Variants in ATXN10 observed in about 807,000 individuals in gnomAD.
ATXN10 encodes the protein ataxin-10.
In ATXN10, 28 loss-of-function variants were observed where a neutral mutation model predicts 52.9. The ratio of observed to expected loss-of-function variants is 0.53; its 90% CI spans 0.39 to 0.73. The LOEUF is 0.73. Among genes scored for constraint, ATXN10 ranks in the 30% least tolerant of loss-of-function variants. ATXN10 has a pLI of 0.00. For missense variants in ATXN10, 565 were observed against 577.0 expected, an observed-to-expected ratio of 0.98 and a Z score of 0.21; for synonymous variants, 226 against 221.5, an observed-to-expected ratio of 1.02 and a Z score of -0.18.
rs552090283 is a variant in ATXN10 at position 45,678,524 on chromosome 22, C to T, written c.116+6345C>T. ...GTTTAAAATGTGAACTCCTCCCTCA[C>T]TGCTATTTTTGTTTCATAATAAAAT... On this transcript the variant is annotated intron_variant, in intron 1 of 11. Coordinates refer to ENST00000252934, the MANE Select transcript of ATXN10 (RefSeq NM_013236.4). This position sits in a 1 kb window ranked among gnomAD's most constrained non-coding sequence, Gnocchi z 4.1. 66 of 152,292 alleles carry T rather than the reference C, an allele frequency of 4.3e-4. No homozygotes were observed. The highest frequency in any genetic ancestry group is 1.5e-3 in the African/African-American group (62 of 41,558). The allele number at this position is 152,292 out of a possible 1,614,324, so 9.4% of individuals were successfully genotyped here.
intron 2 of ATXN10, 82 bp downstream of exon 2, chr22:45,689,985 G>T: frequency 6.7e-7 from 1 of 1,488,770 alleles, no homozygotes; most frequent in Non-Finnish European, 9.3e-7. Flanking sequence ...GTTAGAAGTT[G>T]TTTTGGGCTG....
intron 10 of ATXN10, among the ~76,000 whole-genome samples, chr22:45,838,653 G>C (rs746224380): frequency 3.9e-5 from 6 of 152,194 alleles, no homozygotes; most frequent in Non-Finnish European, 8.8e-5. Context: ...ACTGAGACTT[G>C]CTTTAATCTC....
intron 10 of ATXN10, among the ~76,000 whole-genome samples, chr22:45,809,483 A>G (rs1002025924): frequency 2.0e-5 from 3 of 152,144 alleles, no homozygotes; most frequent in African/African-American, 7.2e-5. Context: ...GTACTTTTGT[A>G]TATCTAAATA....
rs187475806 is a variant in ATXN10, at chr22:45,754,769, C to T, written c.1173+14231C>T. Among the ~76,000 whole-genome samples, 118 of 152,330 alleles carry T rather than the reference C, an allele frequency of 7.7e-4. 1 individual carries two copies. The highest frequency in any genetic ancestry group is 2.3e-3 in the African/African-American group (96 of 41,580). On this transcript the variant is annotated intron_variant, in intron 9 of 11. Coordinates refer to ENST00000252934, the MANE Select transcript of ATXN10 (RefSeq NM_013236.4). This position sits in a 1 kb window ranked among gnomAD's most constrained non-coding sequence, Gnocchi z 5.4. Reference sequence around the variant, plus strand: ...ACTTGGGAGGCTGAGGCAGGAGGATCGCTTGAACTCTGGAGGCAGAGGTTG... The same window carrying T: ...ACTTGGGAGGCTGAGGCAGGAGGATTGCTTGAACTCTGGAGGCAGAGGTTG...
intron 9 of ATXN10, among the ~76,000 whole-genome samples, chr22:45,778,099 CTATT>C: frequency 6.6e-6 from 1 of 152,154 alleles, no homozygotes; most frequent in Non-Finnish European, 1.5e-5. Flanking sequence ...AGAGTCTTAA[CTATT>C]TATTTTCTAG....
chr22:45,740,738 A>ATGTG (rs112950925), intron 9 of ATXN10, 200 bp downstream of exon 9: 60 of 270,958 alleles, frequency 2.2e-4, no homozygotes, highest in African/African-American at 1.9e-3. Flanking sequence ...ACACACACAC[A>ATGTG]CGTGTGTGTG....
Position 45,820,731 on chromosome 22 carries a change from C to T in ATXN10, c.1237+13709C>T, listed in dbSNP as rs1482892924. Among the ~76,000 whole-genome samples the T allele has an allele frequency of 1.3e-5, 2 of 152,170 alleles. No individual in the cohort carries two copies. The highest frequency in any genetic ancestry group is 2.4e-5 in the African/African-American group (1 of 41,448). On this transcript the variant is annotated intron_variant, in intron 10 of 11. Coordinates refer to ENST00000252934, the MANE Select transcript of ATXN10 (RefSeq NM_013236.4). The surrounding 1 kb of genome is among the most constrained non-coding windows in gnomAD (Gnocchi z 4.9). ...TTGGACCCCGTGGCCGCAGGCATTG[C>T]CAGGGTGGTTTGCTTACCCCGGCCA...
rs1028403970 is a variant in ATXN10 at position 45,837,727 on chromosome 22, G to T, written c.1238-5264G>T. ...CTGCCCTTGCAGTGTGACAGCAGCC[G>T]CCAACACAGGCAAGTGATGGGCATG... On this transcript the variant is annotated intron_variant, in intron 10 of 11. Transcript: ENST00000252934. This position sits in a 1 kb window ranked among gnomAD's most constrained non-coding sequence, Gnocchi z 5.8. Among the ~76,000 whole-genome samples, 3 of 152,234 alleles carry T rather than the reference G, an allele frequency of 2.0e-5. No individual in the cohort carries two copies. Among genetic ancestry groups the T allele is most frequent in the Non-Finnish European group, 4.4e-5 (3 of 68,042 alleles).
In ATXN10 at chr22:45,774,344, C is replaced by G. The variant is rs1189786318; in HGVS notation, c.1174-32615C>G. ...AGCCTGTCCCTACCAGTCCCTGCAT[C>G]GCTATTTTGGAGTGAGACAGATAAT... On this transcript the variant is annotated intron_variant, in intron 9 of 11. Coordinates refer to ENST00000252934, the MANE Select transcript of ATXN10 (RefSeq NM_013236.4). The surrounding 1 kb of genome is among the most constrained non-coding windows in gnomAD (Gnocchi z 6.2). Among the ~76,000 whole-genome samples, 1 of 152,212 alleles carries G rather than the reference C, an allele frequency of 6.6e-6. No individual in the cohort carries two copies. Among genetic ancestry groups the G allele is most frequent in the South Asian group, 2.1e-4 (1 of 4,832 alleles).
At chr22:45,679,897 G>A (rs1285816749) in intron 1 of ATXN10, 1 of 152,204 alleles carries the variant, frequency 6.6e-6, no homozygotes, top group Non-Finnish European at 1.5e-5. Context: ...AAGTAGACAG[G>A]AAAGAGTTTG....
intron 3 of ATXN10, among the ~76,000 whole-genome samples, chr22:45,700,018 G>A (rs990397634): frequency 2.0e-5 from 3 of 151,680 alleles, no homozygotes; most frequent in African/African-American, 7.3e-5. Context: ...TGACATATTG[G>A]CCAGGCTGGT....
rs545808185 is a variant in ATXN10 at position 45,811,675 on chromosome 22, G to A, written c.1237+4653G>A. Reference sequence around the variant, plus strand: ...GTACATTCTGTGATGTTCACACAATGATGATATTGTCTCTATCCCCAGTGC... The same window carrying A: ...GTACATTCTGTGATGTTCACACAATAATGATATTGTCTCTATCCCCAGTGC... On this transcript the variant is annotated intron_variant, in intron 10 of 11. Transcript: ENST00000252934. The A allele has an allele frequency of 1.3e-3, 630 of 468,964 alleles. 2 individuals carry two copies. Among genetic ancestry groups the A allele is most frequent in the South Asian group, 2.3e-3 (149 of 64,198 alleles). 29.1% of individuals were successfully genotyped at this position (468,964 alleles called of 1,614,324 possible). A position where few individuals can be genotyped will look rare whatever the true frequency, so the allele number is the denominator to read the frequency against.
chr22:45,738,626 ACT>A (rs1185175211), intron 7 of ATXN10, 103 bp from the exon 8 acceptor site: 16 of 994,874 alleles, frequency 1.6e-5, no homozygotes, highest in Non-Finnish European at 2.3e-5. Context: ...ACAAGCACAG[ACT>A]CTTTAAATTT....
chr22:45,814,146 G>A lies in ATXN10; in HGVS notation c.1237+7124G>A, dbSNP rs186135368. On this transcript the variant is annotated intron_variant, in intron 10 of 11. Transcript: ENST00000252934. ...ACAGATGACTTTGGTTATTATCTTG[G>A]ATTGGGCAAGCGTTTCTTAAGGCAC... 9.2e-4 allele frequency among the ~76,000 whole-genome samples: 140 copies of A among 152,296 alleles called. 1 individual carries two copies. Among genetic ancestry groups the A allele is most frequent in the Non-Finnish European group, 3.5e-4 (24 of 68,026 alleles).
chr22:45,835,343 C>T lies in ATXN10; in HGVS notation c.1238-7648C>T, dbSNP rs1244159993. On this transcript the variant is annotated intron_variant, in intron 10 of 11. Transcript: ENST00000252934. This position sits in a 1 kb window ranked among gnomAD's most constrained non-coding sequence, Gnocchi z 5.0. ...TACACGCCCAGCAAGGCCTGGACAG[C>T]GCACTGGTGCCACAGCCCTTCGCTC... Among the ~76,000 whole-genome samples, 1 of 152,194 alleles carries T rather than the reference C, an allele frequency of 6.6e-6. No individual in the cohort carries two copies. Among genetic ancestry groups the T allele is most frequent in the African/African-American group, 2.4e-5 (1 of 41,436 alleles).
chr22:45,674,961 G>A (rs1358649758), intron 1 of ATXN10: 1 of 152,208 alleles, frequency 6.6e-6, no homozygotes, highest in Non-Finnish European at 1.5e-5. Flanking sequence ...TGGAGACCTG[G>A]ATGTGAATCC....
rs187153856 is a variant in ATXN10 at position 45,707,107 on chromosome 22, A to G, written c.647+4260A>G. On this transcript the variant is annotated intron_variant, in intron 5 of 11. Coordinates refer to ENST00000252934, the MANE Select transcript of ATXN10 (RefSeq NM_013236.4). ...TTGACCCTTTCTCATTATAAAATTTATCACAAATTTTGTTGTTTATGTTTT... is the reference window on the plus strand; with the variant it reads ...TTGACCCTTTCTCATTATAAAATTTGTCACAAATTTTGTTGTTTATGTTTT... Among the ~76,000 whole-genome samples, 16 of 152,272 alleles carry G rather than the reference A, an allele frequency of 1.1e-4. 1 individual carries two copies. Among genetic ancestry groups the G allele is most frequent in the Admixed American group, 1.0e-3 (16 of 15,294 alleles).
In ATXN10 at chr22:45,748,558, C is replaced by T. The variant is rs151031621; in HGVS notation, c.1173+8020C>T. On this transcript the variant is annotated intron_variant, in intron 9 of 11. Transcript: ENST00000252934. ...TAGTAAAGAGCTGAAGTGTTTTCCG[C>T]GTGAATTCCAAAATCTGTTCTAGCT... 6.0e-4 allele frequency among the ~76,000 whole-genome samples: 91 copies of T among 152,094 alleles called. 1 individual carries two copies. The East Asian group carries it at 0.014, about 23-fold the overall frequency.
chr22:45,717,035 C>A (rs1924474564), intron 5 of ATXN10, among the ~76,000 whole-genome samples: 1 of 152,122 alleles, frequency 6.6e-6, no homozygotes, highest in Non-Finnish European at 1.5e-5. Context: ...TCCCCAGACA[C>A]ACTGCTGTTC....
Sources: allele counts gnomAD v4.1 joint callset (sites outside exome capture counted in the v4.1 genomes callset), GRCh38; gene constraint gnomAD v4.1.1; non-coding constraint Gnocchi (gnomAD v3.1); transcripts MANE v1.5; gene names NCBI Gene and HGNC (gene_info 2026-07-23, HGNC 2026-07-21).